Variants in ZC3H7B observed in about 807,000 individuals in gnomAD.
The protein encoded by ZC3H7B is zinc finger CCCH-type containing 7B.
A neutral mutation model predicts 116.0 loss-of-function variants in ZC3H7B; 35 were observed. The ratio of observed to expected loss-of-function variants is 0.30; its 90% confidence interval spans 0.23 to 0.40. ZC3H7B has a LOEUF of 0.40. Ranked by LOEUF, ZC3H7B falls within the 10% of genes least tolerant of loss-of-function variation. The pLI is 1.00. For synonymous variants in ZC3H7B, 502 were observed against 545.6 expected, an observed-to-expected ratio of 0.92 and a Z score of 1.11; for missense variants, 1,011 against 1,321.5, an observed-to-expected ratio of 0.77 and a Z score of 3.64.
intron 1 of ZC3H7B, among the ~76,000 whole-genome samples, chr22:41,310,139 A>T (rs1345580474): frequency 6.6e-6 from 1 of 152,176 alleles, no homozygotes; most frequent in Non-Finnish European, 1.5e-5. Flanking sequence ...CGGGAGGCGG[A>T]GCTTACAGTG....
At chr22:41,355,314 T>G (rs903093582) in intron 17 of ZC3H7B, among the ~76,000 whole-genome samples, 155 bp from the exon 18 acceptor site, 1 of 152,134 alleles carries the variant, frequency 6.6e-6, no homozygotes, top group Non-Finnish European at 1.5e-5. Context: ...TGGGAAGCCC[T>G]TGGGCCTGCA....
intron 10 of ZC3H7B, 98 bp from the exon 11 acceptor site, chr22:41,340,990 G>A: frequency 1.7e-6 from 2 of 1,186,838 alleles, no homozygotes; most frequent in East Asian, 2.5e-5. Context: ...GTGGCCTGGG[G>A]GCTTCTCCGA....
chr22:41,320,727 C>T lies in ZC3H7B; in HGVS notation c.53+14C>T, dbSNP rs746922888. 5.8e-5 allele frequency: 86 copies of T among 1,473,244 alleles called. No homozygotes were observed. Among genetic ancestry groups the T allele is most frequent in the Non-Finnish European group, 6.9e-5 (74 of 1,078,866 alleles). The allele number at this position is 1,473,244 out of a possible 1,614,324, so 91.3% of individuals were successfully genotyped here. A position where few individuals can be genotyped will look rare whatever the true frequency, so the allele number is the denominator to read the frequency against. On this transcript the variant is annotated intron_variant, in intron 2 of 22. Coordinates refer to ENST00000352645, the MANE Select transcript of ZC3H7B (RefSeq NM_017590.6). ...GCAGTTCATTCAGTAAGCCTGCATGCGGCAGGGGCTGGACGGCTGGGTGGG... is the reference window on the plus strand; with the variant it reads ...GCAGTTCATTCAGTAAGCCTGCATGTGGCAGGGGCTGGACGGCTGGGTGGG...
chr22:41,349,477 G>A lies in ZC3H7B; in HGVS notation c.1948+176G>A, dbSNP rs574869450. On this transcript the variant is annotated intron_variant, in intron 16 of 22. Coordinates refer to ENST00000352645, the MANE Select transcript of ZC3H7B (RefSeq NM_017590.6). This position sits in a 1 kb window ranked among gnomAD's most constrained non-coding sequence, Gnocchi z 4.9. ...GGGGTGGGCTCTCTGTGTGTCCCAG[G>A]CACCACAGAGGAGAGAAGCTCTGCT... Among the ~76,000 whole-genome samples the A allele has an allele frequency of 4.6e-5, 7 of 152,118 alleles. No homozygotes were observed. Among genetic ancestry groups the A allele is most frequent in the African/African-American group, 7.2e-5 (3 of 41,420 alleles).
intron 10 of ZC3H7B, 106 bp downstream of exon 10, chr22:41,340,243 C>T (rs956809776): frequency 4.1e-6 from 5 of 1,222,152 alleles, no homozygotes; most frequent in South Asian, 3.0e-5. Context: ...TGTTTGTCCC[C>T]ATCACTCCTT....
At chr22:41,336,459 C>G (rs568054689) in intron 7 of ZC3H7B, 2 of 151,900 alleles carry the variant, frequency 1.3e-5, no homozygotes, top group Non-Finnish European at 2.9e-5. Context: ...GTCAGGATAT[C>G]GAGACCATCC....
At chr22:41,306,572 G>A (rs1385525808) in intron 1 of ZC3H7B, among the ~76,000 whole-genome samples, 1 of 152,098 alleles carries the variant, frequency 6.6e-6, no homozygotes, top group Non-Finnish European at 1.5e-5. Flanking sequence ...GTTTTGCCAT[G>A]TTGGCCAGGC....
At chr22:41,321,413 G>A (rs1288860333) in intron 2 of ZC3H7B, among the ~76,000 whole-genome samples, 1 of 151,926 alleles carries the variant, frequency 6.6e-6, no homozygotes, top group Non-Finnish European at 1.5e-5. Context: ...ATGGGGTTTT[G>A]CCATGTTGGC....
rs1380434382 is a variant in ZC3H7B, at chr22:41,343,531, C to T, written c.1414C>T (p.Arg472Trp). ...CCAGACCTGGAAGCGGATCCGGCCC[C>T]GGCCCACTAAGACCAGCTTCGTGGG... ...EDQTWKRIRP[R>W]PTKTSFVGSY... Residue 472 changes from arginine (R) to tryptophan (W), a missense_variant, in exon 13 of 23, where the codon CGG becomes TGG. Coordinates refer to ENST00000352645, the MANE Select transcript of ZC3H7B (RefSeq NM_017590.6). 3 of 1,612,854 alleles carry T rather than the reference C, an allele frequency of 1.9e-6. No homozygotes were observed. Among genetic ancestry groups the T allele is most frequent in the Non-Finnish European group, 2.5e-6 (3 of 1,179,522 alleles).
intron 14 of ZC3H7B, among the ~76,000 whole-genome samples, chr22:41,347,335 G>C (rs1003209598): frequency 2.0e-5 from 3 of 152,228 alleles, no homozygotes; most frequent in Non-Finnish European, 4.4e-5. Flanking sequence ...GCCTTTCCTC[G>C]GCCCTCCTGG....
chr22:41,341,161 T>TG lies in ZC3H7B; in HGVS notation c.1197+19dup. On this transcript the variant is annotated intron_variant, in intron 11 of 22. Transcript: ENST00000352645. ...CAGCCCCCTCGGTGAGTGACTTGAG[T>TG]GGGGATCCAGGCCTCTCATTCCCTG... The TG allele has an allele frequency of 6.2e-7, 1 of 1,613,812 alleles. No individual in the cohort carries two copies. Among genetic ancestry groups the TG allele is most frequent in the South Asian group, 1.1e-5 (1 of 91,062 alleles).
At chr22:41,309,051 G>A (rs1247654042) in intron 1 of ZC3H7B, among the ~76,000 whole-genome samples, 5 of 126,348 alleles carry the variant, frequency 4.0e-5, no homozygotes, top group Admixed American at 1.1e-4. Flanking sequence ...TCGCTCTGTC[G>A]CCCAGGCTGG....
At chr22:41,315,666 T>C (rs2036173554) in intron 1 of ZC3H7B, among the ~76,000 whole-genome samples, 1 of 152,198 alleles carries the variant, frequency 6.6e-6, no homozygotes, top group Non-Finnish European at 1.5e-5. Context: ...GCTCTCTTCC[T>C]GGCTTACAGA....
rs759302921 is a variant in ZC3H7B at position 41,325,825 on chromosome 22, C to T, written c.192C>T (p.Asn64=). The T allele has an allele frequency of 1.5e-5, 24 of 1,613,312 alleles. No individual in the cohort carries two copies. The highest frequency in any genetic ancestry group is 5.3e-5 in the African/African-American group (4 of 74,926). The part of the protein sequence containing the change: ...QALVQYMEGL[N]VADYAASDQV... ...TGGTGCAGTACATGGAAGGGCTGAA[C>T]GTGGCCGACTACGCTGCCTCTGACC... Residue 64 remains asparagine (N), a synonymous_variant, in exon 4 of 23, where the codon AAC becomes AAT. Coordinates refer to ENST00000352645, the MANE Select transcript of ZC3H7B (RefSeq NM_017590.6).
At chr22:41,324,948 C>T (rs1313398028) in intron 2 of ZC3H7B, among the ~76,000 whole-genome samples, 1 of 152,170 alleles carries the variant, frequency 6.6e-6, no homozygotes, top group Non-Finnish European at 1.5e-5. Flanking sequence ...ACCATCCTCT[C>T]CTCCTGGCCT....
At chr22:41,329,905 C>G in intron 5 of ZC3H7B, 118 bp from the exon 6 acceptor site, 1 of 992,596 alleles carries the variant, frequency 1.0e-6, no homozygotes, top group Non-Finnish European at 1.4e-6. Context: ...GCCTCACTTT[C>G]TCATCTATAA....
chr22:41,341,140 C>T lies in ZC3H7B; in HGVS notation c.1191C>T (p.Ala397=). ...HRPPSGAQKP[A]PSPEPCMPNT... ...CCCCTAGCGGTGCTCAGAAACCAGC[C>T]CCCTCGGTGAGTGACTTGAGTGGGG... Residue 397 remains alanine (A), a synonymous_variant, in exon 11 of 23, where the codon GCC becomes GCT. Coordinates refer to ENST00000352645, the MANE Select transcript of ZC3H7B (RefSeq NM_017590.6). 1 of 1,613,972 alleles carries T rather than the reference C, an allele frequency of 6.2e-7. No homozygotes were observed.
In ZC3H7B at chr22:41,349,776, G is replaced by A. The variant is rs1354714585; in HGVS notation, c.1948+475G>A. On this transcript the variant is annotated intron_variant, in intron 16 of 22. Transcript: ENST00000352645. The surrounding 1 kb of genome is among the most constrained non-coding windows in gnomAD (Gnocchi z 4.9). ...TTACTGAGCACCTTCTCTTGTCAGG[G>A]CATTCAGCCATGGTCTAGTCGAGGC... Among the ~76,000 whole-genome samples the A allele has an allele frequency of 2.0e-5, 3 of 152,200 alleles. No homozygotes were observed. The highest frequency in any genetic ancestry group is 2.1e-4 in the South Asian group (1 of 4,830).
chr22:41,357,501 G>T lies in ZC3H7B; in HGVS notation c.*72G>T. On this transcript the variant is annotated 3_prime_UTR_variant, in exon 23 of 23. Transcript: ENST00000352645. The surrounding 1 kb of genome is among the most constrained non-coding windows in gnomAD (Gnocchi z 5.4). ...TGGGGCCAGAAGGCCTGATAGAAGG[G>T]TCAGGGCAGGCCAGGGGGGTGGGGG... 1.6e-6 allele frequency: 2 copies of T among 1,217,018 alleles called. No homozygotes were observed. Among genetic ancestry groups the T allele is most frequent in the Non-Finnish European group, 2.3e-6 (2 of 874,414 alleles). 75.4% of individuals were successfully genotyped at this position (1,217,018 alleles called of 1,614,324 possible). A position where few individuals can be genotyped will look rare whatever the true frequency, so the allele number is the denominator to read the frequency against.
Sources: allele counts gnomAD v4.1 joint callset (sites outside exome capture counted in the v4.1 genomes callset), GRCh38; gene constraint gnomAD v4.1.1; non-coding constraint Gnocchi (gnomAD v3.1); transcripts MANE v1.5; gene names NCBI Gene and HGNC (gene_info 2026-07-23, HGNC 2026-07-21).